The following TRMT11 variants were observed in gnomAD, a reference collection of about 807,000 sequenced individuals.
TRMT11 encodes tRNA (guanine(10)-N(2))-methyltransferase TRMT11.
TRMT11 carries 53 observed loss-of-function variants against 62.8 expected under a neutral mutation model. The observed-to-expected ratio is 0.84, with a 90% CI of 0.68 to 1.06. TRMT11 has a LOEUF of 1.06. Ranked by LOEUF, TRMT11 falls within the 50% of genes least tolerant of loss-of-function variation. The pLI, the probability that TRMT11 is intolerant of heterozygous loss-of-function variation, is 0.00. For missense variants in TRMT11, 556 were observed against 553.4 expected (o/e 1.00, Z -0.05); for synonymous variants, 188 against 190.3 (o/e 0.99, Z 0.10).
chr6:126,249,808 A>G, the TRMT11 span, among the ~76,000 whole-genome samples: 1 of 152,168 alleles, frequency 6.6e-6, no homozygotes, highest in Non-Finnish European at 1.5e-5. Context: ...GATAAACATG[A>G]TGGATATAAC....
intron 17 of TRMT11, among the ~76,000 whole-genome samples, chr6:126,055,060 G>A (rs568293360): frequency 2.6e-5 from 4 of 152,256 alleles, no homozygotes; most frequent in Non-Finnish European, 4.4e-5. Context: ...AACTTCCTGG[G>A]TTTAAGCAAT....
chr6:126,089,521 C>G (rs192639316), intron 17 of TRMT11, among the ~76,000 whole-genome samples: 1 of 152,110 alleles, frequency 6.6e-6, no homozygotes, highest in Non-Finnish European at 1.5e-5. Flanking sequence ...AAACTTACCC[C>G]GGGTCACATG....
the TRMT11 span, among the ~76,000 whole-genome samples, chr6:126,257,438 A>G: frequency 6.6e-6 from 1 of 152,188 alleles, no homozygotes; most frequent in East Asian, 1.9e-4. Flanking sequence ...TATGTTCATC[A>G]GGAATATTGG....
Position 125,998,069 on chromosome 6 carries a change from T to C in TRMT11, c.229T>C (p.Trp77Arg). 1 of 1,612,366 alleles carries C rather than the reference T, an allele frequency of 6.2e-7. No homozygotes were observed. Among genetic ancestry groups the C allele is most frequent in the Non-Finnish European group, 8.5e-7 (1 of 1,178,858 alleles). ...ATTTCCTAGGTCTATATTTGAACTATGGGGTCATGGACAATCTCCTGAGGA... is the reference window on the plus strand; with the variant it reads ...ATTTCCTAGGTCTATATTTGAACTACGGGGTCATGGACAATCTCCTGAGGA... ...TVCAKSIFEL[W>R]GHGQSPEELY... is the part of the protein sequence containing the mutation. Residue 77 changes from tryptophan (W) to arginine (R), a missense_variant, in exon 4 of 13, where the codon TGG becomes CGG. Trp to Arg is a moderately radical substitution (Grantham distance 101, BLOSUM62 -3). Transcript: ENST00000334379.
At chr6:126,002,408 C>T (rs1271009374) in intron 7 of TRMT11, among the ~76,000 whole-genome samples, 1 of 152,130 alleles carries the variant, frequency 6.6e-6, no homozygotes, top group Non-Finnish European at 1.5e-5. Context: ...TTCCTAGCTA[C>T]ATCAACACAT....
downstream of TRMT11, among the ~76,000 whole-genome samples, chr6:126,203,083 T>C (rs1778754759): frequency 6.6e-6 from 1 of 152,194 alleles, no homozygotes; most frequent in African/African-American, 2.4e-5. Context: ...TACCAAGTAA[T>C]CATGGCAGGT....
At chr6:126,229,781 T>A in the TRMT11 span, among the ~76,000 whole-genome samples, 1 of 152,234 alleles carries the variant, frequency 6.6e-6, no homozygotes, top group Non-Finnish European at 1.5e-5. Context: ...TGTACCGTGC[T>A]ATTTCTGTAA....
intron 21 of TRMT11, among the ~76,000 whole-genome samples, chr6:126,168,096 C>A (rs949426829): frequency 1.3e-5 from 2 of 152,176 alleles, no homozygotes; most frequent in African/African-American, 4.8e-5. Flanking sequence ...ACAGTGGAGC[C>A]TCAGGAGACT....
chr6:126,149,913 T>C (rs781619704), intron 21 of TRMT11, among the ~76,000 whole-genome samples: 7 of 152,214 alleles, frequency 4.6e-5, no homozygotes, highest in Non-Finnish European at 1.0e-4. Flanking sequence ...AGTATGACTA[T>C]ATTTTGTAGT....
At chr6:126,231,423 G>A in the TRMT11 span, among the ~76,000 whole-genome samples, 16 of 152,240 alleles carry the variant, frequency 1.1e-4, no homozygotes, top group Non-Finnish European at 5.9e-5. Flanking sequence ...TTAAGAAAAA[G>A]TTATGTCGTA....
At chr6:126,093,600 TATATATATATATATATATATA>T (rs1174108004) in intron 17 of TRMT11, among the ~76,000 whole-genome samples, 2 of 82,698 alleles carry the variant, frequency 2.4e-5, no homozygotes, top group African/African-American at 1.5e-4. Flanking sequence ...TATATATATA[TATATATATATATATATATATA>T]TATATATATA....
rs972243812 is a variant in TRMT11, at chr6:126,083,416, T to C, written c.*1438-29450T>C. 4.6e-5 allele frequency among the ~76,000 whole-genome samples: 7 copies of C among 152,306 alleles called. No homozygotes were observed. In the South Asian group the frequency reaches 1.2e-3, roughly 27 times the overall value. On this transcript the variant is annotated intron_variant and NMD_transcript_variant, in intron 17 of 22. Coordinates refer to the TRMT11 transcript ENST00000648977. ...TTCAGTTAGGTAATCTGCTATTTAC[T>C]TCCATAGTATTCCATACCTTCCTTT... is the stretch of plus-strand genomic sequence containing the variant.
intron 1 of TRMT11, among the ~76,000 whole-genome samples, chr6:126,192,613 TCCTTTTATATC>T (rs1451743814): frequency 6.6e-6 from 1 of 152,186 alleles, no homozygotes; most frequent in African/African-American, 2.4e-5. Flanking sequence ...TGAGGTATGC[TCCTTTTATATC>T]CAATTTGTCA....
the TRMT11 span, among the ~76,000 whole-genome samples, chr6:126,250,525 C>T: frequency 1.2e-4 from 18 of 152,060 alleles, 1 homozygote; most frequent in Admixed American, 5.9e-4. Context: ...AAAGGTTTTC[C>T]AAGAAAAGAT....
intron 1 of TRMT11, among the ~76,000 whole-genome samples, chr6:125,989,609 T>C (rs1790269053): frequency 6.6e-6 from 1 of 152,206 alleles, no homozygotes; most frequent in Non-Finnish European, 1.5e-5. Context: ...GCAGTGACAA[T>C]GGAGTGGTTA....
intron 1 of TRMT11, among the ~76,000 whole-genome samples, chr6:126,194,349 T>A (rs137957033): frequency 1.6e-4 from 24 of 152,326 alleles, no homozygotes; most frequent in African/African-American, 5.3e-4. Context: ...GATGAATACA[T>A]GTTTATTCTC....
At chr6:126,009,855 T>A (rs956699038) in intron 8 of TRMT11, among the ~76,000 whole-genome samples, 11 of 152,052 alleles carry the variant, frequency 7.2e-5, no homozygotes, top group South Asian at 2.1e-4. Context: ...TTTATTAAAG[T>A]TATGTTTGGA....
At chr6:126,034,149 T>TG (rs562144558) in intron 12 of TRMT11, among the ~76,000 whole-genome samples, 116 of 152,118 alleles carry the variant, frequency 7.6e-4, no homozygotes, top group Middle Eastern at 3.4e-3. Flanking sequence ...AGAATCACAA[T>TG]GGGAAAAACA....
intron 12 of TRMT11, 133 bp downstream of exon 12, chr6:126,021,413 A>C (rs1795792327): frequency 1.8e-6 from 2 of 1,120,706 alleles, no homozygotes; most frequent in Non-Finnish European, 2.5e-6. Flanking sequence ...ATTTAGGAAG[A>C]GGCAGAAGTT....
Sources: gnomAD v4.1 joint callset for allele counts (sites outside exome capture counted in the v4.1 genomes callset) on GRCh38, gnomAD v4.1.1 for gene constraint, MANE v1.5 for transcripts, NCBI Gene and HGNC (gene_info 2026-07-23, HGNC 2026-07-21) for gene names.